TTYH3: variants seen among roughly 807,000 people sequenced by gnomAD.
TTYH3 encodes tweety family member 3.
TTYH3 carries 23 observed loss-of-function variants against 68.2 expected under a neutral mutation model. The observed-to-expected ratio is 0.34, with a 90% CI of 0.24 to 0.48. The LOEUF is 0.48. TTYH3 is among the 20% of genes least tolerant of loss of function. The probability of loss-of-function intolerance (pLI) is 0.99; values close to 1 mark genes in which losing one functional copy is unlikely to be tolerated. For synonymous variants in TTYH3, 360 were observed against 332.8 expected (o/e 1.08, Z -0.89); for missense variants, 768 against 727.7 (o/e 1.06, Z -0.64).
intron 13 of TTYH3, among the ~76,000 whole-genome samples, chr7:2,660,741 A>T (rs764611936): frequency 6.6e-6 from 1 of 151,864 alleles, no homozygotes; most frequent in African/African-American, 2.4e-5. Context: ...TCTGGGGACT[A>T]TGGGGATGGG....
chr7:2,662,127 C>A lies in TTYH3; in HGVS notation c.*388C>A. 1 of 412,048 alleles carries A rather than the reference C, an allele frequency of 2.4e-6. No homozygotes were observed. 25.5% of individuals were successfully genotyped at this position (412,048 alleles called of 1,614,324 possible). A position where few individuals can be genotyped will look rare whatever the true frequency, so the allele number is the denominator to read the frequency against. The stretch of plus-strand genomic sequence containing the variant: ...TCCCGCCCGGCACTTCTGTGGACCC[C>A]TTCTTAGTTCACAGGCACGGCTGGG... On this transcript the variant is annotated 3_prime_UTR_variant, in exon 14 of 14. Coordinates refer to ENST00000258796, the MANE Select transcript of TTYH3 (RefSeq NM_025250.3).
At chr7:2,660,419 C>T (rs1244889715) in intron 13 of TTYH3, 14 of 985,296 alleles carry the variant, frequency 1.4e-5, no homozygotes, top group African/African-American at 3.5e-5. Context: ...CCTGGAGGCA[C>T]CAACTGCGTG....
At position 2,656,542 on chromosome 7, in the gene TTYH3, GC is replaced by G. The variant is rs780064899; in HGVS notation, c.1250+11del. The G allele has an allele frequency of 1.9e-6, 3 of 1,597,406 alleles. No individual in the cohort carries two copies. Among genetic ancestry groups the G allele is most frequent in the African/African-American group, 2.7e-5 (2 of 74,178 alleles). On this transcript the variant is annotated intron_variant, in intron 11 of 13. Transcript: ENST00000258796. ...CACCTGGCAGCAAAAGAGGTGAGGGGCCCTGGGGGGTCGCAGGAGCTTGCCC... is the reference window on the plus strand; with the variant it reads ...CACCTGGCAGCAAAAGAGGTGAGGGGCCTGGGGGGTCGCAGGAGCTTGCCC...
chr7:2,653,971 A>G (rs1786263346), intron 9 of TTYH3, among the ~76,000 whole-genome samples: 2 of 152,222 alleles, frequency 1.3e-5, no homozygotes, highest in African/African-American at 4.8e-5. Context: ...CCCCACACAC[A>G]CCGCCCCAGG....
rs766455796 is a variant in TTYH3 at position 2,648,067 on chromosome 7, G to A, written c.722+13G>A. 4 of 1,604,490 alleles carry A rather than the reference G, an allele frequency of 2.5e-6. No homozygotes were observed. The South Asian group carries it at 4.4e-5, about 18-fold the overall frequency. ...GCATCCTGGTGGGGTGAGTCTGGGG[G>A]TGTCGGCCCCCCGTGGGCCCAAAGC... On this transcript the variant is annotated intron_variant, in intron 5 of 13. Coordinates refer to ENST00000258796, the MANE Select transcript of TTYH3 (RefSeq NM_025250.3).
At chr7:2,657,413 G>A (rs1428813796) in intron 11 of TTYH3, among the ~76,000 whole-genome samples, 2 of 124,210 alleles carry the variant, frequency 1.6e-5, no homozygotes, top group Non-Finnish European at 3.2e-5. Context: ...GGTGGTTGTG[G>A]TGGTGGTGAT....
intron 9 of TTYH3, among the ~76,000 whole-genome samples, chr7:2,654,157 G>A (rs1253031086): frequency 6.6e-6 from 1 of 152,202 alleles, no homozygotes; most frequent in Non-Finnish European, 1.5e-5. Flanking sequence ...CACTCTGGGG[G>A]GCTGAGGCAA....
chr7:2,650,985 G>A (rs1307796542), intron 7 of TTYH3, among the ~76,000 whole-genome samples: 2 of 151,814 alleles, frequency 1.3e-5, no homozygotes, highest in African/African-American at 4.8e-5. Context: ...TCTGTGCTGC[G>A]GGACCATAAG....
At chr7:2,660,564 C>CCT in intron 13 of TTYH3, 1 of 981,572 alleles carries the variant, frequency 1.0e-6, no homozygotes, top group Non-Finnish European at 1.2e-6. Flanking sequence ...AGTCCCGCCC[C>CCT]GTCCCGCCCC....
chr7:2,638,094 G>T (rs948148569), intron 1 of TTYH3, among the ~76,000 whole-genome samples: 1 of 152,162 alleles, frequency 6.6e-6, no homozygotes, highest in Non-Finnish European at 1.5e-5. Flanking sequence ...GAGCCCTGCA[G>T]CCCTGTGTCT....
At chr7:2,657,813 G>A (rs1562719466) in intron 11 of TTYH3, among the ~76,000 whole-genome samples, 2 of 152,350 alleles carry the variant, frequency 1.3e-5, no homozygotes, top group East Asian at 3.9e-4. Flanking sequence ...ACCTCCTGGG[G>A]CGTGGAGGCT....
chr7:2,651,012 G>A (rs1786159716), intron 7 of TTYH3, among the ~76,000 whole-genome samples: 1 of 151,942 alleles, frequency 6.6e-6, no homozygotes, highest in South Asian at 2.1e-4. Flanking sequence ...TGTGGGTGGG[G>A]GAGCAGGTCT....
At chr7:2,632,485 GCCT>G (rs904519058) in intron 1 of TTYH3, among the ~76,000 whole-genome samples, 1 of 151,946 alleles carries the variant, frequency 6.6e-6, no homozygotes, top group African/African-American at 2.4e-5. Context: ...CAGGGTCATG[GCCT>G]CCTCCTCAAA....
intron 1 of TTYH3, among the ~76,000 whole-genome samples, chr7:2,639,732 G>A (rs755492102): frequency 2.6e-5 from 4 of 152,188 alleles, no homozygotes; most frequent in South Asian, 2.1e-4. Flanking sequence ...GTCACATGCC[G>A]GCACCTCTGG....
rs889295806 is a variant in TTYH3, at chr7:2,656,517, C to A, written c.1233C>A (p.His411Gln). Reference protein sequence around the residue: ...MFSSIVCSVPHTWQQKRGPDE... With the variant: ...MFSSIVCSVPQTWQQKRGPDE... ...GCTCCATCGTCTGCAGCGTCCCGCA[C>A]ACCTGGCAGCAAAAGAGGTGAGGGG... Residue 411 changes from histidine to glutamine, a missense_variant, in exon 11 of 14, where the codon CAC becomes CAA. Coordinates refer to ENST00000258796, the MANE Select transcript of TTYH3 (RefSeq NM_025250.3). 1 of 1,603,800 alleles carries A rather than the reference C, an allele frequency of 6.2e-7. No homozygotes were observed. The highest frequency in any genetic ancestry group is 1.1e-5 in the South Asian group (1 of 89,970).
rs772407437 is a variant in TTYH3 at position 2,656,404 on chromosome 7, G to T, written c.1120G>T (p.Val374Leu). 4 of 1,609,948 alleles carry T rather than the reference G, an allele frequency of 2.5e-6. No homozygotes were observed. The Admixed American group carries it at 6.7e-5, about 27-fold the overall frequency. Residue 374 changes from valine to leucine, a missense_variant, in exon 11 of 14, where the codon GTG (valine) becomes TTG (leucine). Val to Leu is a conservative substitution (Grantham distance 32). Coordinates refer to ENST00000258796, the MANE Select transcript of TTYH3 (RefSeq NM_025250.3). ...TCTCATCCCACGGCCTCAGGACTAC[G>T]TGCAAGCGCTGACCGGCTTCTGCTA... ...VDCRSLHLDY[V>L]QALTGFCYDG...
In TTYH3 at chr7:2,649,805, C is replaced by A. The variant is rs1786111521; in HGVS notation, c.796-108C>A. ...CCACCTGTAACCCCAGATTCACAGTCCACCCTCCTGAGTTGAAAGCAGACT... is the reference window on the plus strand; with the variant it reads ...CCACCTGTAACCCCAGATTCACAGTACACCCTCCTGAGTTGAAAGCAGACT... On this transcript the variant is annotated intron_variant, in intron 6 of 13. Transcript: ENST00000258796. 4 of 1,446,832 alleles carry A rather than the reference C, an allele frequency of 2.8e-6. No individual in the cohort carries two copies. In the South Asian group the frequency reaches 4.8e-5, roughly 17 times the overall value. 89.6% of individuals were successfully genotyped at this position (1,446,832 alleles called of 1,614,324 possible).
chr7:2,660,461 G>T, intron 13 of TTYH3: 1 of 985,408 alleles, frequency 1.0e-6, no homozygotes, highest in South Asian at 4.7e-5. Context: ...GGCACGTGCC[G>T]GCGAGCACGT....
intron 11 of TTYH3, 127 bp from the exon 12 acceptor site, chr7:2,658,159 G>A: frequency 2.0e-6 from 2 of 981,046 alleles, no homozygotes; most frequent in South Asian, 1.9e-5. Context: ...CCCACATGGA[G>A]TGTGCACACG....
Sources: allele counts gnomAD v4.1 joint callset (sites outside exome capture counted in the v4.1 genomes callset), GRCh38; gene constraint gnomAD v4.1.1; transcripts MANE v1.5; gene names NCBI Gene and HGNC (gene_info 2026-07-23, HGNC 2026-07-21).